The following PCDH10 variants were observed in gnomAD, a reference collection of about 807,000 sequenced individuals.
PCDH10 encodes the protein protocadherin 10.
A neutral mutation model predicts 74.4 loss-of-function variants in PCDH10; 15 were observed. The observed-to-expected ratio is 0.20, with a 90% CI of 0.13 to 0.31. The LOEUF is 0.31. Ranked by LOEUF, PCDH10 falls within the 10% of genes least tolerant of loss-of-function variation. The probability of loss-of-function intolerance (pLI) is 1.00; values close to 1 mark genes in which losing one functional copy is unlikely to be tolerated. For missense variants in PCDH10, 1,260 were observed against 1,390.2 expected, an observed-to-expected ratio of 0.91 and a Z score of 1.49; for synonymous variants, 619 against 589.8, an observed-to-expected ratio of 1.05 and a Z score of -0.72.
At chr4:133,177,385 C>T (rs922670613) in intron 4 of PCDH10, among the ~76,000 whole-genome samples, 3 of 152,080 alleles carry the variant, frequency 2.0e-5, no homozygotes, top group African/African-American at 7.2e-5. Context: ...GTGTCACAAA[C>T]CCCTTTGAAA....
intron 4 of PCDH10, among the ~76,000 whole-genome samples, chr4:133,166,368 T>TA (rs1432766788): frequency 6.6e-6 from 1 of 151,574 alleles, no homozygotes; most frequent in East Asian, 1.9e-4. Context: ...ATAATCATGT[T>TA]AAAATGAAAG....
chr4:133,185,752 T>G (rs1308143559), intron 4 of PCDH10, among the ~76,000 whole-genome samples: 1 of 152,168 alleles, frequency 6.6e-6, no homozygotes, highest in East Asian at 1.9e-4. Flanking sequence ...AAGGGTGTCC[T>G]TTCTTTAAAT....
At chr4:133,202,108 C>G (rs1480519879) in intron 2 of PCDH10, among the ~76,000 whole-genome samples, 2 of 151,962 alleles carry the variant, frequency 1.3e-5, no homozygotes, top group African/African-American at 2.4e-5. Context: ...GAAGAAACTC[C>G]CTAGGATGTG....
At chr4:133,184,477 G>A (rs1407819026) in intron 4 of PCDH10, among the ~76,000 whole-genome samples, 1 of 151,372 alleles carries the variant, frequency 6.6e-6, no homozygotes, top group African/African-American at 2.4e-5. Flanking sequence ...ACAAAAATTA[G>A]CCTGGCGTTG....
chr4:133,191,710 C>T lies in PCDH10; in HGVS notation c.*1550C>T, dbSNP rs998464608. 4 of 151,574 alleles carry T rather than the reference C, an allele frequency of 2.6e-5. No homozygotes were observed. Among genetic ancestry groups the T allele is most frequent in the Admixed American group, 6.6e-5 (1 of 15,162 alleles). The allele number at this position is 151,574 out of a possible 1,614,324, so 9.4% of individuals were successfully genotyped here. A position where few individuals can be genotyped will look rare whatever the true frequency, so the allele number is the denominator to read the frequency against. On this transcript the variant is annotated 3_prime_UTR_variant, in exon 5 of 5. Transcript: ENST00000264360. Reference sequence around the variant, plus strand: ...CAGAATTGTCACAGCTCCCCTCGCCCTCTAAACTATGATATCAAAACATCA... The same window carrying T: ...CAGAATTGTCACAGCTCCCCTCGCCTTCTAAACTATGATATCAAAACATCA...
chr4:133,151,016 C>T lies in PCDH10; in HGVS notation c.876C>T (p.His292=), dbSNP rs538495127. ...NGEVVYSFSS[H]ISPRARELFG... ...AGGTCGTGTACTCCTTCAGCAGCCA[C>T]ATTTCGCCCCGGGCGCGGGAGCTTT... The change falls in exon 1 of 5, where the codon CAC becomes CAT. Residue 292 remains histidine, a synonymous_variant. Transcript: ENST00000264360. 1.2e-6 allele frequency: 2 copies of T among 1,613,796 alleles called. No individual in the cohort carries two copies. The highest frequency in any genetic ancestry group is 1.7e-6 in the Non-Finnish European group (2 of 1,180,052).
At chr4:133,198,272 T>C (rs181128356), downstream of PCDH10, among the ~76,000 whole-genome samples, 1 of 152,150 alleles carries the variant, frequency 6.6e-6, no homozygotes, top group East Asian at 1.9e-4. Context: ...AACACAATGG[T>C]TGCAACAGAA....
chr4:133,158,632 A>G (rs1230191825), intron 3 of PCDH10, among the ~76,000 whole-genome samples: 1 of 152,180 alleles, frequency 6.6e-6, no homozygotes. Context: ...GATAAAATAT[A>G]CCATTGAAAT....
intron 4 of PCDH10, among the ~76,000 whole-genome samples, chr4:133,167,992 A>T (rs1191337254): frequency 6.6e-6 from 1 of 151,184 alleles, no homozygotes; most frequent in Non-Finnish European, 1.5e-5. Context: ...TACTTATTTT[A>T]AAAATATTAC....
chr4:133,202,496 A>G (rs1727924628), intron 2 of PCDH10, among the ~76,000 whole-genome samples: 1 of 152,072 alleles, frequency 6.6e-6, no homozygotes, highest in Non-Finnish European at 1.5e-5. Flanking sequence ...AAGGAATAAG[A>G]GGTGTTCTGG....
At chr4:133,182,649 T>C (rs1727441431) in intron 4 of PCDH10, among the ~76,000 whole-genome samples, 3 of 152,012 alleles carry the variant, frequency 2.0e-5, no homozygotes, top group Admixed American at 2.0e-4. Flanking sequence ...GAGAAAGATA[T>C]GTTATATTTA....
chr4:133,202,307 T>C (rs1403964501), intron 2 of PCDH10, among the ~76,000 whole-genome samples: 1 of 152,154 alleles, frequency 6.6e-6, no homozygotes, highest in Non-Finnish European at 1.5e-5. Flanking sequence ...TATTTGCCAG[T>C]TAGTAGCTTA....
intron 4 of PCDH10, among the ~76,000 whole-genome samples, chr4:133,186,091 G>A (rs1016320544): frequency 6.6e-6 from 1 of 151,824 alleles, no homozygotes; most frequent in African/African-American, 2.4e-5. Context: ...TAATTCAGTT[G>A]CAAATTATAA....
intron 2 of PCDH10, among the ~76,000 whole-genome samples, chr4:133,207,099 A>G (rs1728022116): frequency 6.6e-6 from 1 of 152,042 alleles, no homozygotes; most frequent in African/African-American, 2.4e-5. Flanking sequence ...CATTATCTTG[A>G]AATGATATCT....
rs1726726491 is a variant in PCDH10, at chr4:133,152,171, G to A, written c.2031G>A (p.Gln677=). The change falls in exon 1 of 5, where the codon CAG becomes CAA. Residue 677 remains glutamine (Q), a synonymous_variant. Coordinates refer to ENST00000264360, the MANE Select transcript of PCDH10 (RefSeq NM_032961.3). ...PLSSTATLVV[Q]LVDGAVEPQG... ...CCTCCACCGCCACCCTGGTGGTTCA[G>A]CTGGTGGATGGCGCCGTGGAGCCCC... is the stretch of plus-strand genomic sequence containing the variant. The A allele has an allele frequency of 6.4e-7, 1 of 1,569,566 alleles. No homozygotes were observed. Among genetic ancestry groups the A allele is most frequent in the Admixed American group, 1.8e-5 (1 of 55,482 alleles).
intron 4 of PCDH10, among the ~76,000 whole-genome samples, chr4:133,183,765 TC>T (rs1727468163): frequency 1.3e-5 from 2 of 152,128 alleles, no homozygotes; most frequent in East Asian, 3.9e-4. Context: ...TTGTAAATAG[TC>T]TCTTTCACAA....
At chr4:133,170,358 T>C (rs1048338714) in intron 4 of PCDH10, among the ~76,000 whole-genome samples, 25 of 152,194 alleles carry the variant, frequency 1.6e-4, no homozygotes, top group African/African-American at 5.8e-4. Context: ...TATATATATA[T>C]ACACTGTTAC....
intron 2 of PCDH10, among the ~76,000 whole-genome samples, chr4:133,204,498 C>G (rs1399505593): frequency 2.0e-5 from 3 of 152,136 alleles, no homozygotes; most frequent in Non-Finnish European, 4.4e-5. Flanking sequence ...AAAAACAGAC[C>G]AAACCCAACC....
downstream of PCDH10, among the ~76,000 whole-genome samples, chr4:133,198,527 T>A (rs1283386306): frequency 6.6e-6 from 1 of 152,348 alleles, no homozygotes; most frequent in Non-Finnish European, 1.5e-5. Context: ...CCTCCATAGA[T>A]GCTTACGTTG....
Sources: gnomAD v4.1 joint callset for allele counts (sites outside exome capture counted in the v4.1 genomes callset) on GRCh38, gnomAD v4.1.1 for gene constraint, MANE v1.5 for transcripts, NCBI Gene and HGNC (gene_info 2026-07-23, HGNC 2026-07-21) for gene names.